The following PXDNL variants were observed in gnomAD, a reference collection of about 807,000 sequenced individuals.
PXDNL encodes the protein probable oxidoreductase PXDNL.
A neutral mutation model predicts 150.8 loss-of-function variants in PXDNL; 145 were observed. That is an observed-to-expected ratio of 0.96 (90% CI 0.84 to 1.10). PXDNL has a LOEUF of 1.10. Among genes scored for constraint, PXDNL ranks in the 50% least tolerant of loss-of-function variants. The probability of loss-of-function intolerance (pLI) is 0.00; values close to 1 mark genes in which losing one functional copy is unlikely to be tolerated. For missense variants in PXDNL, 2,087 were observed against 1,873.9 expected (o/e 1.11, Z -2.10); for synonymous variants, 757 against 725.7 (o/e 1.04, Z -0.69).
intron 1 of PXDNL, among the ~76,000 whole-genome samples, chr8:51,800,691 C>T (rs1438370140): frequency 6.6e-6 from 1 of 152,170 alleles, no homozygotes; most frequent in East Asian, 1.9e-4. Context: ...ATTTCTTATG[C>T]CTGTCTTTAC....
At chr8:51,440,202 C>A (rs576197268) in intron 12 of PXDNL, among the ~76,000 whole-genome samples, 1 of 152,130 alleles carries the variant, frequency 6.6e-6, no homozygotes, top group South Asian at 2.1e-4. Flanking sequence ...ATCTTACATT[C>A]TCACTCATAA....
chr8:51,507,322 A>G (rs16916425), intron 4 of PXDNL, among the ~76,000 whole-genome samples: 19,065 of 152,254 alleles, frequency 0.13, 1,504 homozygotes, highest in African/African-American at 0.21. Flanking sequence ...ACCTAGATGC[A>G]AAAGAGAAAA....
chr8:51,660,546 A>G lies in PXDNL; in HGVS notation c.165-5786T>C, dbSNP rs1815250439. Among the ~76,000 whole-genome samples, 3 of 152,314 alleles carry G rather than the reference A, an allele frequency of 2.0e-5. No individual in the cohort carries two copies. In the South Asian group the frequency reaches 6.2e-4, roughly 32 times the overall value. On this transcript the variant is annotated intron_variant, in intron 1 of 22. Coordinates refer to ENST00000356297, the MANE Select transcript of PXDNL (RefSeq NM_144651.5). ...AGACTGATTTCTGTTTGCGTGTGGT[A>G]CTTGTTTGTCTCAAATCCGAGAAAT...
intron 3 of PXDNL, among the ~76,000 whole-genome samples, chr8:51,575,770 T>C (rs1427287753): frequency 6.6e-6 from 1 of 151,928 alleles, no homozygotes; most frequent in Non-Finnish European, 1.5e-5. Flanking sequence ...AGCTGTATGC[T>C]GTCTATAAGA....
intron 4 of PXDNL, among the ~76,000 whole-genome samples, chr8:51,555,499 TTGAC>T (rs1812580639): frequency 1.3e-5 from 2 of 152,222 alleles, no homozygotes; most frequent in East Asian, 3.8e-4. Flanking sequence ...TTTTGATTGG[TTGAC>T]TGTGTTTTAA....
intron 17 of PXDNL, among the ~76,000 whole-genome samples, chr8:51,387,335 T>C (rs1807749095): frequency 1.3e-5 from 2 of 152,208 alleles, no homozygotes; most frequent in Non-Finnish European, 2.9e-5. Context: ...AGCCATGTTT[T>C]GTTTCCAGGT....
At chr8:51,394,053 C>T (rs1198981840) in intron 17 of PXDNL, among the ~76,000 whole-genome samples, 1 of 152,194 alleles carries the variant, frequency 6.6e-6, no homozygotes, top group Non-Finnish European at 1.5e-5. Flanking sequence ...GTTGACAACT[C>T]CGTGTCCTTG....
intron 1 of PXDNL, among the ~76,000 whole-genome samples, chr8:51,665,382 T>A (rs1252643767): frequency 1.3e-5 from 2 of 152,180 alleles, no homozygotes; most frequent in Non-Finnish European, 2.9e-5. Flanking sequence ...ATCTAGAGCA[T>A]TTAGAATAGT....
chr8:51,502,263 G>T lies in PXDNL; in HGVS notation c.381-2493C>A, dbSNP rs989117504. Among the ~76,000 whole-genome samples, 2 of 152,178 alleles carry T rather than the reference G, an allele frequency of 1.3e-5. 1 individual carries two copies. Among genetic ancestry groups the T allele is most frequent in the South Asian group, 4.1e-4 (2 of 4,822 alleles). On this transcript the variant is annotated intron_variant, in intron 4 of 22. Transcript: ENST00000356297. Reference sequence around the variant, plus strand: ...CAGCCTCTCTAGCAGCAAGTGGGGGGCGGCCGTGCACAGGCTCAGCTGACA... The same window carrying T: ...CAGCCTCTCTAGCAGCAAGTGGGGGTCGGCCGTGCACAGGCTCAGCTGACA...
At position 51,541,061 on chromosome 8, in the gene PXDNL, C is replaced by A. The variant is rs572073132; in HGVS notation, c.380+15779G>T. ...GATCACAAGGTCAATAGATCGAGAC[C>A]AGCCTGACCAACATGGTGAAATCTC... On this transcript the variant is annotated intron_variant, in intron 4 of 22. Coordinates refer to ENST00000356297, the MANE Select transcript of PXDNL (RefSeq NM_144651.5). Among the ~76,000 whole-genome samples, 3 of 151,924 alleles carry A rather than the reference C, an allele frequency of 2.0e-5. No individual in the cohort carries two copies. The East Asian group carries it at 5.8e-4, about 29-fold the overall frequency.
At chr8:51,538,483 C>T (rs1212211342) in intron 4 of PXDNL, among the ~76,000 whole-genome samples, 1 of 151,918 alleles carries the variant, frequency 6.6e-6, no homozygotes, top group East Asian at 1.9e-4. Context: ...AAAAATAAAT[C>T]GGCCGGGTGC....
intron 21 of PXDNL, among the ~76,000 whole-genome samples, chr8:51,323,311 G>A (rs758291635): frequency 7.2e-5 from 11 of 151,974 alleles, no homozygotes; most frequent in Admixed American, 4.6e-4. Context: ...AGACAGTCTC[G>A]CTCTGTCACC....
intron 17 of PXDNL, among the ~76,000 whole-genome samples, chr8:51,406,493 C>G (rs966456169): frequency 6.6e-6 from 1 of 152,158 alleles, no homozygotes; most frequent in Non-Finnish European, 1.5e-5. Context: ...GAGTGAAGAT[C>G]AGATTCCCTT....
intron 12 of PXDNL, among the ~76,000 whole-genome samples, chr8:51,432,204 T>C (rs961975939): frequency 7.9e-5 from 12 of 152,164 alleles, no homozygotes; most frequent in African/African-American, 2.9e-4. Context: ...GGATAATGAG[T>C]TGCCCAGGAC....
chr8:51,609,274 A>G (rs1351482439), intron 2 of PXDNL, among the ~76,000 whole-genome samples: 1 of 152,256 alleles, frequency 6.6e-6, no homozygotes, highest in Non-Finnish European at 1.5e-5. Context: ...TGATTAAAAT[A>G]TTGTACATAA....
chr8:51,791,476 A>G (rs1363826709), intron 1 of PXDNL, among the ~76,000 whole-genome samples: 2 of 152,262 alleles, frequency 1.3e-5, no homozygotes, highest in Non-Finnish European at 2.9e-5. Flanking sequence ...ATGAAAAGCC[A>G]TTCTCTAACA....
chr8:51,635,986 A>C (rs796718496), intron 2 of PXDNL, among the ~76,000 whole-genome samples: 4 of 152,246 alleles, frequency 2.6e-5, no homozygotes, highest in African/African-American at 9.6e-5. Context: ...AAAAAACATA[A>C]CATAAACATT....
intron 5 of PXDNL, among the ~76,000 whole-genome samples, chr8:51,495,797 C>G (rs1280977565): frequency 6.6e-6 from 1 of 151,988 alleles, no homozygotes; most frequent in Non-Finnish European, 1.5e-5. Context: ...AATAGCTTAC[C>G]AACCAAAAAA....
intron 4 of PXDNL, among the ~76,000 whole-genome samples, chr8:51,509,453 G>A (rs1452222535): frequency 6.6e-6 from 1 of 151,858 alleles, no homozygotes; most frequent in Non-Finnish European, 1.5e-5. Context: ...TGTGCTAACT[G>A]GGCCTGTCTC....
Sources: allele counts gnomAD v4.1 joint callset (sites outside exome capture counted in the v4.1 genomes callset), GRCh38; gene constraint gnomAD v4.1.1; transcripts MANE v1.5; gene names NCBI Gene and HGNC (gene_info 2026-07-23, HGNC 2026-07-21).